Variants in FRMPD4 observed in about 807,000 individuals in gnomAD.
FRMPD4 encodes the protein FERM and PDZ domain containing 4.
FRMPD4 carries 22 observed loss-of-function variants against 94.1 expected under a neutral mutation model. The ratio of observed to expected loss-of-function variants is 0.23; its 90% CI spans 0.17 to 0.33. The LOEUF (loss-of-function observed/expected upper bound fraction) is 0.33, where lower values mean the gene tolerates loss of function less well. Ranked by LOEUF, FRMPD4 falls within the 10% of genes least tolerant of loss-of-function variation. The pLI, the probability that FRMPD4 is intolerant of heterozygous loss-of-function variation, is 1.00. For synonymous variants in FRMPD4, 631 were observed against 548.6 expected (o/e 1.15, Z -2.10); for missense variants, 1,111 against 1,339.9 (o/e 0.83, Z 2.67).
chrX:12,249,523 T>C (rs1233092996), intron 1 of FRMPD4, among the ~76,000 whole-genome samples: 1 of 111,330 alleles, frequency 9.0e-6, no homozygotes, highest in Non-Finnish European at 1.9e-5. Context: ...TGGAGGTACC[T>C]GAGATGAAGG....
intron 3 of FRMPD4, among the ~76,000 whole-genome samples, chrX:11,946,106 G>A (rs1237363296): frequency 1.8e-5 from 2 of 111,820 alleles, no homozygotes; most frequent in African/African-American, 6.5e-5. Flanking sequence ...ATCTCCCAAA[G>A]CTTTAAAAAG....
chrX:12,146,101 C>T (rs1448266501), intron 1 of FRMPD4, among the ~76,000 whole-genome samples: 1 of 106,754 alleles, frequency 9.4e-6, no homozygotes, highest in African/African-American at 3.3e-5. Context: ...CGGTGGCTCA[C>T]GCCTGTAATC....
chrX:12,475,411 G>T (rs1035130377), intron 1 of FRMPD4, among the ~76,000 whole-genome samples: 3 of 111,664 alleles, frequency 2.7e-5, no homozygotes, highest in African/African-American at 9.8e-5. Flanking sequence ...ACAAGACAGG[G>T]ATGCCCTCTC....
Position 12,716,548 on chromosome X carries a change from A to G in FRMPD4, c.2089A>G (p.Lys697Glu). The G allele has an allele frequency of 8.3e-7, 1 of 1,209,858 alleles. No homozygotes were observed. Among genetic ancestry groups the G allele is most frequent in the Non-Finnish European group, 1.1e-6 (1 of 894,090 alleles). Residue 697 changes from lysine (K) to glutamate (E), a missense_variant, in exon 15 of 17, where the codon AAG becomes GAG. Transcript: ENST00000675598. Reference protein sequence around the residue: ...NLYIGSANDMKGLDLTPEAEG... With the variant: ...NLYIGSANDMEGLDLTPEAEG... ...CTACATTGGCAGTGCCAATGACATG[A>G]AGGGCCTGGATCTCACTCCAGAGGC...
chrX:12,712,291 A>G (rs1295009207), intron 14 of FRMPD4, among the ~76,000 whole-genome samples: 1 of 111,290 alleles, frequency 9.0e-6, no homozygotes, highest in East Asian at 2.8e-4. Flanking sequence ...GTTCACGCCT[A>G]TAATCCCAGT....
intron 3 of FRMPD4, among the ~76,000 whole-genome samples, chrX:12,053,359 G>GAAGAAAGAAAGAAAGA (rs57459327): frequency 3.7e-3 from 189 of 51,424 alleles, no homozygotes; most frequent in Middle Eastern, 9.4e-3. Context: ...AGGAAAGAAA[G>GAAGAAAGAAAGAAAGA]AAGAAAGAAA....
chrX:11,848,093 A>G (rs1287238983), intron 1 of FRMPD4, among the ~76,000 whole-genome samples: 3 of 110,825 alleles, frequency 2.7e-5, no homozygotes, highest in African/African-American at 9.8e-5. Flanking sequence ...AGGAGAAAGA[A>G]AGAACAAATA....
At chrX:12,027,587 A>G (rs887189459) in intron 3 of FRMPD4, among the ~76,000 whole-genome samples, 4 of 109,894 alleles carry the variant, frequency 3.6e-5, no homozygotes, top group African/African-American at 1.3e-4. Flanking sequence ...AGGTATAAAT[A>G]AAATAAGCAA....
chrX:12,401,333 CCCCCTCCTTCCTTCCCTGTCTCCT>C (rs2056606117), intron 1 of FRMPD4, among the ~76,000 whole-genome samples: 2 of 110,024 alleles, frequency 1.8e-5, no homozygotes, highest in Admixed American at 2.0e-4. Flanking sequence ...CCTCCTTTTC[CCCCCTCCTTCCTTCCCTGTCTCCT>C]CCCCTCTCTC....
chrX:12,343,757 CACTT>C (rs1445096600), intron 1 of FRMPD4, among the ~76,000 whole-genome samples: 3 of 111,770 alleles, frequency 2.7e-5, no homozygotes, highest in Non-Finnish European at 5.6e-5. Flanking sequence ...GCACTGATGA[CACTT>C]ATTTATTGGT....
chrX:12,489,321 A>G (rs943860461), intron 1 of FRMPD4, among the ~76,000 whole-genome samples: 1 of 112,106 alleles, frequency 8.9e-6, no homozygotes, highest in African/African-American at 3.2e-5. Flanking sequence ...AATAATTAAA[A>G]TACATGCCCA....
At chrX:12,382,530 G>GCATAGCATAGCATAGCATAGCATAGCAT (rs60602906) in intron 1 of FRMPD4, among the ~76,000 whole-genome samples, 8 of 45,613 alleles carry the variant, frequency 1.8e-4, no homozygotes, top group African/African-American at 9.2e-4. Flanking sequence ...GCATAGCATA[G>GCATAGCATAGCATAGCATAGCATAGCAT]AGCATAGCAT....
At chrX:12,240,108 A>G (rs1195908391) in intron 1 of FRMPD4, among the ~76,000 whole-genome samples, 2 of 112,717 alleles carry the variant, frequency 1.8e-5, no homozygotes, top group African/African-American at 6.4e-5. Flanking sequence ...ACCATTGAAA[A>G]TTGTACTGGA....
intron 1 of FRMPD4, among the ~76,000 whole-genome samples, chrX:12,440,874 G>A (rs1290238651): frequency 1.0e-5 from 1 of 99,412 alleles, no homozygotes; most frequent in Non-Finnish European, 1.9e-5. Context: ...AAACCAAAGA[G>A]ATAGATAGTG....
At position 12,707,664 on chromosome X, in the gene FRMPD4, G is replaced by A; in HGVS notation, c.1470+13G>A. Reference sequence around the variant, plus strand: ...GCTAGATGTGAAGGCAAGTTTCTCAGGTGTTGACACATGGCCTTGCTGTCA... The same window carrying A: ...GCTAGATGTGAAGGCAAGTTTCTCAAGTGTTGACACATGGCCTTGCTGTCA... On this transcript the variant is annotated intron_variant, in intron 13 of 16. Coordinates refer to ENST00000675598, the MANE Select transcript of FRMPD4 (RefSeq NM_001368397.1). 1 of 1,166,077 alleles carries A rather than the reference G, an allele frequency of 8.6e-7. No homozygotes were observed. The highest frequency in any genetic ancestry group is 1.9e-5 in the South Asian group (1 of 52,758).
chrX:12,436,711 C>T (rs1408362960), intron 1 of FRMPD4, among the ~76,000 whole-genome samples: 3 of 110,603 alleles, frequency 2.7e-5, no homozygotes, highest in Non-Finnish European at 3.8e-5. Flanking sequence ...ATTTGAAGTC[C>T]TTTTGCTTTT....
intron 1 of FRMPD4, among the ~76,000 whole-genome samples, chrX:12,265,096 G>T (rs1334949002): frequency 8.9e-6 from 1 of 112,078 alleles, no homozygotes; most frequent in Non-Finnish European, 1.9e-5. Flanking sequence ...TGTAATCAAA[G>T]ACAAAGTAAT....
In FRMPD4 at chrX:12,138,826, C is replaced by T; in HGVS notation, c.-146C>T. 2.3e-6 allele frequency: 1 copy of T among 426,204 alleles called. No homozygotes were observed. Among genetic ancestry groups the T allele is most frequent in the South Asian group, 5.9e-5 (1 of 16,919 alleles). The allele number at this position is 426,204 out of a possible 1,213,427, so 35.1% of individuals were successfully genotyped here. ...CAGCCGCCGCCTCCAGGTGCAGGTT[C>T]TCTCCGGCCGCCGCCGCCACCCGCT... is the stretch of plus-strand genomic sequence containing the variant. On this transcript the variant is annotated 5_prime_UTR_variant, in exon 1 of 17. Coordinates refer to ENST00000675598, the MANE Select transcript of FRMPD4 (RefSeq NM_001368397.1).
chrX:12,278,913 TTA>T (rs2054483334), intron 1 of FRMPD4, among the ~76,000 whole-genome samples: 1 of 112,200 alleles, frequency 8.9e-6, no homozygotes, highest in African/African-American at 3.2e-5. Context: ...GTCACATATT[TTA>T]TTTTTTTAAT....
Sources: allele counts gnomAD v4.1 joint callset (sites outside exome capture counted in the v4.1 genomes callset), GRCh38; gene constraint gnomAD v4.1.1; transcripts MANE v1.5; gene names NCBI Gene and HGNC (gene_info 2026-07-23, HGNC 2026-07-21).